The following PLPBP variants were observed in gnomAD, a reference collection of about 807,000 sequenced individuals.
PLPBP encodes the protein pyridoxal phosphate homeostasis protein.
PLPBP carries 21 observed loss-of-function variants against 31.2 expected under a neutral mutation model. The observed-to-expected ratio is 0.67, with a 90% confidence interval of 0.48 to 0.97. PLPBP has a LOEUF of 0.97. PLPBP is among the 50% of genes least tolerant of loss of function. The pLI, the probability that PLPBP is intolerant of heterozygous loss-of-function variation, is 0.00. For missense variants in PLPBP, 308 were observed against 354.4 expected (o/e 0.87, Z 1.05); for synonymous variants, 124 against 135.6 (o/e 0.91, Z 0.59).
intron 4 of PLPBP, among the ~76,000 whole-genome samples, chr8:37,770,438 A>G (rs1054668946): frequency 6.6e-6 from 1 of 152,238 alleles, no homozygotes; most frequent in Admixed American, 6.5e-5. Flanking sequence ...GCAGAAGAAT[A>G]AAACTAGACT....
chr8:37,765,886 T>G (rs763342613), intron 3 of PLPBP, 140 bp downstream of exon 3: 41 of 898,148 alleles, frequency 4.6e-5, no homozygotes, highest in Non-Finnish European at 7.0e-5. Context: ...AAATGTCAGC[T>G]TCCTCCTTGA....
chr8:37,766,679 C>G (rs1253488030), intron 4 of PLPBP: 5 of 928,300 alleles, frequency 5.4e-6, no homozygotes, highest in Non-Finnish European at 6.5e-6. Context: ...GTTCTTTTTC[C>G]TTTAAATAAA....
Position 37,768,485 on chromosome 8 carries a change from T to C in PLPBP, c.319+2130T>C, listed in dbSNP as rs903731618. 1.2e-3 allele frequency among the ~76,000 whole-genome samples: 180 copies of C among 145,626 alleles called. 2 individuals are homozygous for C. In the East Asian group the frequency reaches 0.031, roughly 25 times the overall value. Reference sequence around the variant, plus strand: ...ATTTTCTTTTTTTTTTTTTTTTTTTTTTTTTGAGACGGATTCTCACTCTGT... The same window carrying C: ...ATTTTCTTTTTTTTTTTTTTTTTTTCTTTTTGAGACGGATTCTCACTCTGT... On this transcript the variant is annotated intron_variant, in intron 4 of 7. Coordinates refer to ENST00000328195, the MANE Select transcript of PLPBP (RefSeq NM_007198.4).
At chr8:37,774,240 G>A (rs1803846725) in intron 5 of PLPBP, among the ~76,000 whole-genome samples, 2 of 152,140 alleles carry the variant, frequency 1.3e-5, no homozygotes, top group Non-Finnish European at 2.9e-5. Flanking sequence ...AAAAATTATG[G>A]TGAGCACCAG....
At chr8:37,765,095 T>C (rs1176287837) in intron 1 of PLPBP, among the ~76,000 whole-genome samples, 3 of 152,128 alleles carry the variant, frequency 2.0e-5, no homozygotes, top group Non-Finnish European at 2.9e-5. Flanking sequence ...GCTTGATCAC[T>C]TGAACCCAGG....
chr8:37,773,036 G>A (rs1295022002), intron 5 of PLPBP, 147 bp downstream of exon 5: 1 of 979,534 alleles, frequency 1.0e-6, no homozygotes, highest in African/African-American at 1.6e-5. Context: ...TTTTATGTGT[G>A]ATCTAGGTAG....
At chr8:37,771,901 A>G (rs1051591142) in intron 4 of PLPBP, among the ~76,000 whole-genome samples, 1 of 152,188 alleles carries the variant, frequency 6.6e-6, no homozygotes, top group African/African-American at 2.4e-5. Flanking sequence ...CAGAGGTTGC[A>G]GTGAGCCAAG....
In PLPBP at chr8:37,772,854, A is replaced by G. The variant is rs781536518; in HGVS notation, c.419A>G (p.Lys140Arg). 6.2e-7 allele frequency: 1 copy of G among 1,614,192 alleles called. No individual in the cohort carries two copies. The highest frequency in any genetic ancestry group is 8.5e-7 in the Non-Finnish European group (1 of 1,180,028). The change falls in exon 5 of 8, where the codon AAG becomes AGG. Residue 140 changes from lysine (K) to arginine (R), a missense_variant. Transcript: ENST00000328195. Reference sequence around the variant, plus strand: ...AGAAAAGGTTCTCCTGAAAGGTTAAAGGTTATGGTCCAGATTAACACCAGC... The same window carrying G: ...AGAAAAGGTTCTCCTGAAAGGTTAAGGGTTATGGTCCAGATTAACACCAGC... ...WQRKGSPERL[K>R]VMVQINTSGE...
At chr8:37,762,641 C>G, upstream of PLPBP, 3 of 1,559,608 alleles carry the variant, frequency 1.9e-6, no homozygotes, top group Non-Finnish European at 2.6e-6. Flanking sequence ...GCCTGGGGCT[C>G]GGCGTCGGTC....
chr8:37,773,177 T>G (rs987445066), intron 5 of PLPBP, among the ~76,000 whole-genome samples: 6 of 139,254 alleles, frequency 4.3e-5, no homozygotes, highest in African/African-American at 1.0e-4. Flanking sequence ...GTATTTTTGT[T>G]TTTTTTTTGA....
intron 1 of PLPBP, among the ~76,000 whole-genome samples, chr8:37,765,030 C>T (rs1440153129): frequency 6.6e-6 from 1 of 152,152 alleles, no homozygotes; most frequent in African/African-American, 2.4e-5. Flanking sequence ...ATTAGTCAGG[C>T]ATGGTGATGC....
At position 37,775,326 on chromosome 8, in the gene PLPBP, T is replaced by C. The variant is rs771837395; in HGVS notation, c.455-13T>C. 1.2e-6 allele frequency: 2 copies of C among 1,614,140 alleles called. No individual in the cohort carries two copies. The highest frequency in any genetic ancestry group is 1.7e-6 in the Non-Finnish European group (2 of 1,179,962). On this transcript the variant is annotated splice_polypyrimidine_tract_variant and intron_variant, in intron 5 of 7. Transcript: ENST00000328195. ...CCTTGCAGTATACCTGTTTTCTGTT[T>C]CTTTTCTTGAAGGTAAACATGGCCT...
intron 5 of PLPBP, among the ~76,000 whole-genome samples, chr8:37,774,217 A>T (rs1269897347): frequency 2.0e-5 from 3 of 152,154 alleles, no homozygotes; most frequent in Non-Finnish European, 4.4e-5. Flanking sequence ...TCTCAAAAAA[A>T]AATAAATAAA....
At chr8:37,771,290 C>A (rs1803762183) in intron 4 of PLPBP, among the ~76,000 whole-genome samples, 1 of 152,058 alleles carries the variant, frequency 6.6e-6, no homozygotes, top group African/African-American at 2.4e-5. Context: ...GCATGTGCCA[C>A]CAGGCCTGGC....
intron 3 of PLPBP, among the ~76,000 whole-genome samples, chr8:37,765,957 G>A (rs1803616186): frequency 6.6e-6 from 1 of 152,090 alleles, no homozygotes; most frequent in Non-Finnish European, 1.5e-5. Flanking sequence ...TCTCATTGGT[G>A]GCTGTTTGGA....
chr8:37,762,895 A>G lies in PLPBP; in HGVS notation c.99+137A>G, dbSNP rs970312381. On this transcript the variant is annotated intron_variant, in intron 1 of 7. Coordinates refer to ENST00000328195, the MANE Select transcript of PLPBP (RefSeq NM_007198.4). ...TGGTCGGCCGCCTAGGGCCACCGAA[A>G]GGCTAGCGAAGGGTTTCCCCAGCCT... 5.9e-5 allele frequency: 66 copies of G among 1,110,900 alleles called. No homozygotes were observed. In the African/African-American group the frequency reaches 1.0e-3, roughly 17 times the overall value. 68.8% of individuals were successfully genotyped at this position (1,110,900 alleles called of 1,614,324 possible).
chr8:37,762,920 TCCTTA>T (rs1482018979), intron 1 of PLPBP, among the ~76,000 whole-genome samples, 162 bp downstream of exon 1: 1 of 152,170 alleles, frequency 6.6e-6, no homozygotes, highest in Admixed American at 6.5e-5. Flanking sequence ...TTCCCCAGCC[TCCTTA>T]CCTTGAGTCT....
At chr8:37,770,765 C>T (rs1475574205) in intron 4 of PLPBP, among the ~76,000 whole-genome samples, 2 of 151,114 alleles carry the variant, frequency 1.3e-5, no homozygotes, top group African/African-American at 4.8e-5. Flanking sequence ...TTGGTAAAGA[C>T]GGGGTTTCAC....
intron 4 of PLPBP, among the ~76,000 whole-genome samples, chr8:37,771,392 G>A (rs1435632497): frequency 1.3e-5 from 2 of 151,478 alleles, no homozygotes; most frequent in African/African-American, 2.4e-5. Flanking sequence ...CGACCACCTC[G>A]GCCTCCCCAA....
Sources: allele counts gnomAD v4.1 joint callset (sites outside exome capture counted in the v4.1 genomes callset), GRCh38; gene constraint gnomAD v4.1.1; transcripts MANE v1.5; gene names NCBI Gene and HGNC (gene_info 2026-07-23, HGNC 2026-07-21).